Variants in PIGK observed in about 807,000 individuals in gnomAD.
PIGK encodes the protein phosphatidylinositol glycan anchor biosynthesis class K, also known as GPI-anchor transamidase.
Under a neutral mutation model 50.6 loss-of-function variants are expected in PIGK, and 42 were observed. That is an observed-to-expected ratio of 0.83 (90% CI 0.65 to 1.07). The LOEUF is 1.07. PIGK is among the 50% of genes least tolerant of loss of function. The pLI is 0.00. For synonymous variants in PIGK, 151 were observed against 156.0 expected (o/e 0.97, Z 0.24); for missense variants, 448 against 488.7 (o/e 0.92, Z 0.78).
At chr1:77,094,521 C>G (rs550390679) in intron 10 of PIGK, among the ~76,000 whole-genome samples, 22 of 152,202 alleles carry the variant, frequency 1.4e-4, no homozygotes, top group African/African-American at 5.3e-4. Context: ...CATTCAAGCT[C>G]TACATTCATC....
At chr1:77,154,211 T>C (rs1392957083) in intron 9 of PIGK, 2 of 522,594 alleles carry the variant, frequency 3.8e-6, no homozygotes, top group African/African-American at 3.9e-5. Flanking sequence ...ACTGAACCAC[T>C]AGCAAGATTG....
intron 3 of PIGK, among the ~76,000 whole-genome samples, chr1:77,173,198 G>A (rs1655406376): frequency 6.6e-6 from 1 of 152,118 alleles, no homozygotes; most frequent in African/African-American, 2.4e-5. Context: ...ACTTACAATA[G>A]AACATTCCAA....
At chr1:77,114,342 T>G (rs970671557) in intron 10 of PIGK, among the ~76,000 whole-genome samples, 5 of 152,168 alleles carry the variant, frequency 3.3e-5, no homozygotes, top group Non-Finnish European at 7.4e-5. Flanking sequence ...GTACTAGTTA[T>G]TTTTGGGTGA....
At position 77,169,649 on chromosome 1, in the gene PIGK, G is replaced by A. The variant is rs115286804; in HGVS notation, c.240-254C>T. Among the ~76,000 whole-genome samples, 307 of 151,858 alleles carry A rather than the reference G, an allele frequency of 2.0e-3. 2 individuals are homozygous for A. The highest frequency in any genetic ancestry group is 6.9e-3 in the African/African-American group (285 of 41,406). ...TTATTTTTTTCATATCCTTGTGTGC[G>A]ATACATTTTAAAGTAGAGAAATTGG... On this transcript the variant is annotated intron_variant, in intron 3 of 10. Transcript: ENST00000370812.
chr1:77,213,565 A>G (rs1656473114), intron 1 of PIGK, among the ~76,000 whole-genome samples: 1 of 152,354 alleles, frequency 6.6e-6, no homozygotes, highest in Middle Eastern at 3.4e-3. Flanking sequence ...ACAGCAAAAC[A>G]GTACTAAAAG....
chr1:77,185,857 C>T (rs191978536), intron 3 of PIGK, among the ~76,000 whole-genome samples: 5 of 152,334 alleles, frequency 3.3e-5, no homozygotes, highest in Admixed American at 3.3e-4. Context: ...GAGCAAGGCC[C>T]TGCCATCTTC....
intron 9 of PIGK, among the ~76,000 whole-genome samples, chr1:77,143,805 G>A (rs1482604041): frequency 1.3e-5 from 2 of 152,000 alleles, no homozygotes; most frequent in Non-Finnish European, 2.9e-5. Flanking sequence ...TTATATTACT[G>A]AAAGCAGAAT....
At chr1:77,208,870 A>T (rs1335819598) in intron 2 of PIGK, among the ~76,000 whole-genome samples, 1 of 152,150 alleles carries the variant, frequency 6.6e-6, no homozygotes, top group East Asian at 1.9e-4. Flanking sequence ...ATTTTTATCA[A>T]ATGTGTTTGT....
At chr1:77,111,115 T>C (rs1188395435) in intron 10 of PIGK, among the ~76,000 whole-genome samples, 1 of 152,140 alleles carries the variant, frequency 6.6e-6, no homozygotes, top group Non-Finnish European at 1.5e-5. Flanking sequence ...CAACAGGTGC[T>C]GGAGAGGATG....
intron 9 of PIGK, among the ~76,000 whole-genome samples, chr1:77,141,206 C>T (rs971625762): frequency 2.6e-5 from 4 of 152,102 alleles, no homozygotes; most frequent in Non-Finnish European, 4.4e-5. Flanking sequence ...AAACTAAGTC[C>T]ATTACTACTT....
chr1:77,120,999 A>T lies in PIGK; in HGVS notation c.1071+1276T>A, dbSNP rs114102019. ...TTATTGGTTCATCCATGCTATAAAA[A>T]TATTACTGACATTTCATCTGGTCAA... On this transcript the variant is annotated intron_variant, in intron 10 of 10. Coordinates refer to ENST00000370812, the MANE Select transcript of PIGK (RefSeq NM_005482.3). 5.3e-3 allele frequency among the ~76,000 whole-genome samples: 802 copies of T among 152,332 alleles called. 8 individuals carry two copies. The highest frequency in any genetic ancestry group is 0.018 in the African/African-American group (763 of 41,570).
intron 10 of PIGK, among the ~76,000 whole-genome samples, chr1:77,120,800 C>T (rs752115086): frequency 1.4e-4 from 22 of 152,110 alleles, no homozygotes; most frequent in Non-Finnish European, 2.6e-4. Context: ...TTAGTAAAAT[C>T]AAGTGCTACT....
At chr1:77,209,437 C>T (rs1030900482) in intron 2 of PIGK, among the ~76,000 whole-genome samples, 1 of 151,838 alleles carries the variant, frequency 6.6e-6, no homozygotes, top group African/African-American at 2.4e-5. Flanking sequence ...CAAAACAATG[C>T]AAATTAAAAC....
intron 3 of PIGK, among the ~76,000 whole-genome samples, chr1:77,170,212 T>C (rs1655329309): frequency 1.3e-5 from 2 of 152,204 alleles, no homozygotes; most frequent in African/African-American, 2.4e-5. Flanking sequence ...TGCAGTTCCA[T>C]GCATCCCCAT....
intron 3 of PIGK, among the ~76,000 whole-genome samples, chr1:77,169,910 G>T (rs149348795): frequency 6.6e-6 from 1 of 152,216 alleles, no homozygotes; most frequent in East Asian, 1.9e-4. Context: ...ACATGCAACT[G>T]ATCAGCAAGT....
At chr1:77,108,922 G>A (rs556646836) in intron 10 of PIGK, among the ~76,000 whole-genome samples, 2 of 152,216 alleles carry the variant, frequency 1.3e-5, no homozygotes, top group African/African-American at 4.8e-5. Context: ...TAGTTCTTGT[G>A]CCATGGTTTT....
intron 8 of PIGK, among the ~76,000 whole-genome samples, chr1:77,156,527 A>G (rs560701059): frequency 3.9e-5 from 6 of 152,278 alleles, no homozygotes; most frequent in African/African-American, 1.4e-4. Context: ...TATTATTCCA[A>G]CTTCTGTGTA....
chr1:77,193,932 A>G (rs1441463581), intron 3 of PIGK, among the ~76,000 whole-genome samples: 1 of 152,174 alleles, frequency 6.6e-6, no homozygotes, highest in African/African-American at 2.4e-5. Context: ...TCTGCAAACT[A>G]TGCATCTAAC....
chr1:77,139,406 C>T (rs1654594059), intron 9 of PIGK, among the ~76,000 whole-genome samples: 1 of 151,958 alleles, frequency 6.6e-6, no homozygotes, highest in African/African-American at 2.4e-5. Flanking sequence ...GCTGGAAACA[C>T]CATGGGTTGG....
Sources: allele counts gnomAD v4.1 joint callset (sites outside exome capture counted in the v4.1 genomes callset), GRCh38; gene constraint gnomAD v4.1.1; transcripts MANE v1.5; gene names NCBI Gene and HGNC (gene_info 2026-07-23, HGNC 2026-07-21).